LRRC7: variants seen among roughly 807,000 people sequenced by gnomAD.
LRRC7 encodes the protein leucine-rich repeat-containing protein 7.
LRRC7 carries 23 observed loss-of-function variants against 175.7 expected under a neutral mutation model. The ratio of observed to expected loss-of-function variants is 0.13; its 90% CI spans 0.09 to 0.19. LRRC7 has a LOEUF of 0.19. LRRC7 is among the 10% of genes least tolerant of loss of function. The pLI is 1.00. For missense variants in LRRC7, 1,354 were observed against 1,904.7 expected (o/e 0.71, Z 5.38); for synonymous variants, 685 against 680.9 (o/e 1.01, Z -0.09).
At position 70,018,798 on chromosome 1, in the gene LRRC7, A is replaced by G; in HGVS notation, c.1400A>G (p.Gln467Arg). Residue 467 changes from glutamine to arginine, a missense_variant, in exon 15 of 27, where the codon CAG becomes CGG. Coordinates refer to ENST00000651989, the MANE Select transcript of LRRC7 (RefSeq NM_001370785.2). ...GTATTGACTAACTACATGTTTCCCC[A>G]GCAGCCTCGTGGTGATGAAGGTAAA... ...QRVLTNYMFP[Q>R]QPRGDEDFQS... The G allele has an allele frequency of 6.2e-7, 1 of 1,612,380 alleles. No individual in the cohort carries two copies.
Position 70,025,667 on chromosome 1 carries a change from T to C in LRRC7, c.1794+2293T>C, listed in dbSNP as rs148987987. ...ACATGAGTAGAAACAACAGAAAGAT[T>C]AGTGGATGATAGCTAGTTGGGAATA... On this transcript the variant is annotated intron_variant, in intron 17 of 26. Coordinates refer to ENST00000651989, the MANE Select transcript of LRRC7 (RefSeq NM_001370785.2). 5.3e-3 allele frequency among the ~76,000 whole-genome samples: 811 copies of C among 152,170 alleles called. 10 individuals are homozygous for C. Among genetic ancestry groups the C allele is most frequent in the African/African-American group, 0.018 (756 of 41,542 alleles).
intron 5 of LRRC7, among the ~76,000 whole-genome samples, chr1:69,826,386 G>A (rs1357909046): frequency 1.3e-5 from 2 of 152,060 alleles, no homozygotes; most frequent in Non-Finnish European, 2.9e-5. Flanking sequence ...TCCAAGATCT[G>A]TTCATTAAGA....
intron 2 of LRRC7, among the ~76,000 whole-genome samples, chr1:69,743,695 A>G (rs1236839416): frequency 2.0e-5 from 3 of 151,950 alleles, no homozygotes; most frequent in Non-Finnish European, 2.9e-5. Flanking sequence ...CATTAGCTAG[A>G]AGGTGGAAGT....
chr1:69,781,706 A>G (rs1292863177), intron 3 of LRRC7, among the ~76,000 whole-genome samples: 11 of 28,120 alleles, frequency 3.9e-4, no homozygotes, highest in African/African-American at 2.3e-3. Context: ...AAAGAAAGAA[A>G]GAAAGAAAGA....
At chr1:69,715,285 T>C (rs1665217396) in intron 2 of LRRC7, among the ~76,000 whole-genome samples, 1 of 152,198 alleles carries the variant, frequency 6.6e-6, no homozygotes, top group South Asian at 2.1e-4. Context: ...GGAAATTCTC[T>C]ATAGTCCTGA....
chr1:70,033,442 T>G (rs1365323001), intron 18 of LRRC7, among the ~76,000 whole-genome samples: 1 of 152,178 alleles, frequency 6.6e-6, no homozygotes, highest in Non-Finnish European at 1.5e-5. Context: ...ATCATTGTCG[T>G]CATTATCATC....
rs1657724530 is a variant in LRRC7 at position 70,023,394 on chromosome 1, G to C, written c.1794+20G>C. 2 of 1,538,554 alleles carry C rather than the reference G, an allele frequency of 1.3e-6. No individual in the cohort carries two copies. The highest frequency in any genetic ancestry group is 2.6e-5 in the South Asian group (2 of 77,504). On this transcript the variant is annotated intron_variant, in intron 17 of 26. Transcript: ENST00000651989. Reference sequence around the variant, plus strand: ...AGACAGGTAGGCCTAGGTGTCTGGGGTAGGAGAATCTCCCATGTAGAGGCA... The same window carrying C: ...AGACAGGTAGGCCTAGGTGTCTGGGCTAGGAGAATCTCCCATGTAGAGGCA...
At chr1:70,011,951 T>C (rs186210806) in intron 12 of LRRC7, 25 bp downstream of exon 12, 1 of 1,541,720 alleles carries the variant, frequency 6.5e-7, no homozygotes, top group Non-Finnish European at 8.9e-7. Flanking sequence ...TGTTTTCTAT[T>C]TATTAACTTT....
chr1:69,791,153 G>A (rs1185271783), intron 3 of LRRC7, among the ~76,000 whole-genome samples: 2 of 152,002 alleles, frequency 1.3e-5, no homozygotes, highest in Admixed American at 1.3e-4. Context: ...TTCCAGAAAT[G>A]AATCAAAAAT....
chr1:69,850,999 A>T (rs1682918270), intron 7 of LRRC7, among the ~76,000 whole-genome samples: 2 of 152,112 alleles, frequency 1.3e-5, no homozygotes, highest in African/African-American at 4.8e-5. Flanking sequence ...GAGCATGGAA[A>T]AGGAGCCTAT....
chr1:69,852,397 T>A (rs1227637355), intron 7 of LRRC7, among the ~76,000 whole-genome samples: 1 of 152,192 alleles, frequency 6.6e-6, no homozygotes, highest in Non-Finnish European at 1.5e-5. Context: ...CTTGACTGAT[T>A]GGCAGGAACA....
chr1:70,046,146 T>C lies in LRRC7; in HGVS notation c.4110+2052T>C, dbSNP rs115583076. On this transcript the variant is annotated intron_variant, in intron 22 of 26. Transcript: ENST00000651989. ...CCCTATTTGGCTTAATTTTTGGCCA[T>C]ATTTACTTATCAATCTGTATGACAA... 8.6e-3 allele frequency among the ~76,000 whole-genome samples: 1,315 copies of C among 152,266 alleles called. 12 individuals are homozygous for C. Among genetic ancestry groups the C allele is most frequent in the African/African-American group, 0.03 (1,239 of 41,550 alleles).
chr1:69,830,655 T>C (rs560837024), intron 5 of LRRC7, among the ~76,000 whole-genome samples: 1 of 151,828 alleles, frequency 6.6e-6, no homozygotes, highest in East Asian at 1.9e-4. Context: ...ATGAGGAAAA[T>C]AAAGAAGACA....
At chr1:69,702,200 A>G (rs1011450603) in intron 2 of LRRC7, among the ~76,000 whole-genome samples, 1 of 152,218 alleles carries the variant, frequency 6.6e-6, no homozygotes, top group Non-Finnish European at 1.5e-5. Flanking sequence ...CTCGTGGGTC[A>G]TCACACACCG....
chr1:70,082,799 T>C (rs868385554), intron 24 of LRRC7, among the ~76,000 whole-genome samples: 2,004 of 118,808 alleles, frequency 0.017, 301 homozygotes, highest in African/African-American at 0.058. Flanking sequence ...TTTTTTTTTT[T>C]TTTTTTTTTT....
chr1:69,699,950 C>T (rs1417472976), intron 2 of LRRC7, among the ~76,000 whole-genome samples: 1 of 152,196 alleles, frequency 6.6e-6, no homozygotes, highest in Non-Finnish European at 1.5e-5. Context: ...GGAAGCCTTT[C>T]TCACTAAACT....
At chr1:69,574,594 A>T (rs1645869045) in intron 1 of LRRC7, among the ~76,000 whole-genome samples, 2 of 152,202 alleles carry the variant, frequency 1.3e-5, no homozygotes, top group African/African-American at 4.8e-5. Context: ...TGCCAGCTGA[A>T]CTTAAAGAAT....
intron 2 of LRRC7, among the ~76,000 whole-genome samples, chr1:69,680,381 AAAGT>A (rs1299867728): frequency 2.6e-5 from 4 of 152,164 alleles, no homozygotes; most frequent in African/African-American, 9.6e-5. Flanking sequence ...TCTCTAATAT[AAAGT>A]ATGTATGTTA....
At chr1:70,056,910 G>A (rs928207398) in intron 23 of LRRC7, among the ~76,000 whole-genome samples, 13 of 152,134 alleles carry the variant, frequency 8.5e-5, no homozygotes, top group East Asian at 3.9e-4. Flanking sequence ...GCACAGAAAC[G>A]TCAAGCAAGA....
Sources: gnomAD v4.1 joint callset for allele counts (sites outside exome capture counted in the v4.1 genomes callset) on GRCh38, gnomAD v4.1.1 for gene constraint, MANE v1.5 for transcripts, NCBI Gene and HGNC (gene_info 2026-07-23, HGNC 2026-07-21) for gene names.